The following BRWD1 variants were observed in gnomAD, a reference collection of about 807,000 sequenced individuals.
BRWD1 encodes the protein bromodomain and WD repeat domain containing 1.
Under a neutral mutation model 251.2 loss-of-function variants are expected in BRWD1, and 82 were observed. The ratio of observed to expected loss-of-function variants is 0.33; its 90% CI spans 0.27 to 0.39. The LOEUF (loss-of-function observed/expected upper bound fraction) is 0.39, where lower values mean the gene tolerates loss of function less well. BRWD1 is among the 10% of genes least tolerant of loss of function. The pLI is 1.00. For missense variants in BRWD1, 2,233 were observed against 2,711.6 expected (o/e 0.82, Z 3.92); for synonymous variants, 918 against 902.8 (o/e 1.02, Z -0.30).
In BRWD1 at chr21:39,195,651, A is replaced by C; in HGVS notation, c.*608T>G. 1 of 985,350 alleles carries C rather than the reference A, an allele frequency of 1.0e-6. No individual in the cohort carries two copies. Among genetic ancestry groups the C allele is most frequent in the African/African-American group, 1.7e-5 (1 of 57,342 alleles). 61.0% of individuals were successfully genotyped at this position (985,350 alleles called of 1,614,324 possible). ...CAACGTTTTCCTTAAGAAGAAAAAA[A>C]CCCAACAGCACTTGGGAAGAAAATT... is the stretch of plus-strand genomic sequence containing the variant. On this transcript the variant is annotated 3_prime_UTR_variant, in exon 41 of 41. Coordinates refer to ENST00000342449, the MANE Select transcript of BRWD1 (RefSeq NM_033656.4).
rs1478137977 is a variant in BRWD1 at position 39,248,664 on chromosome 21, A to C, written c.2350-832T>G. On this transcript the variant is annotated intron_variant, in intron 20 of 40. Coordinates refer to ENST00000342449, the MANE Select transcript of BRWD1 (RefSeq NM_033656.4). ...CCCAAAAAAAAAAAAAAAAAAAAAAAAAAAAAAAAAAAAAAAACACTGGGG... is the reference window on the plus strand; with the variant it reads ...CCCAAAAAAAAAAAAAAAAAAAAAACAAAAAAAAAAAAAAAAACACTGGGG... 3.8e-4 allele frequency among the ~76,000 whole-genome samples: 55 copies of C among 146,532 alleles called. 1 individual carries two copies. Among genetic ancestry groups the C allele is most frequent in the African/African-American group, 9.5e-4 (36 of 37,794 alleles).
Position 39,193,685 on chromosome 21 carries a change from C to T in BRWD1, c.*2574G>A. 1.0e-6 allele frequency: 1 copy of T among 985,502 alleles called. No homozygotes were observed. The highest frequency in any genetic ancestry group is 1.2e-6 in the Non-Finnish European group (1 of 829,692). 61.0% of individuals were successfully genotyped at this position (985,502 alleles called of 1,614,324 possible). On this transcript the variant is annotated 3_prime_UTR_variant, in exon 41 of 41. Coordinates refer to ENST00000342449, the MANE Select transcript of BRWD1 (RefSeq NM_033656.4). ...CAGCACTTATTTCTGGATCAGTTCA[C>T]ATTCAAATTATAACCCTTTATCTTT...
chr21:39,314,608 G>A (rs965144961), upstream of BRWD1: 6 of 342,596 alleles, frequency 1.8e-5, no homozygotes, highest in African/African-American at 8.6e-5. Flanking sequence ...ACCTAACTAT[G>A]AGTTTCCTCC....
rs1463077470 is a variant in BRWD1, at chr21:39,197,061, G to A, written c.6008C>T (p.Ser2003Phe). Residue 2003 changes from serine to phenylalanine, a missense_variant, in exon 41 of 41, where the codon TCC (serine) becomes TTC (phenylalanine). Transcript: ENST00000342449. ...ACEGKPPDPD[S>F]EGSTKVLSQA... is the part of the protein sequence containing the mutation. ...ACTAAGCACTTTTGTACTACCTTCG[G>A]AGTCAGGATCAGGTGGCTTGCCTTC... 1.9e-6 allele frequency: 3 copies of A among 1,613,956 alleles called. No individual in the cohort carries two copies. Among genetic ancestry groups the A allele is most frequent in the Non-Finnish European group, 2.5e-6 (3 of 1,179,970 alleles).
At chr21:39,312,257 A>G (rs977364333) in intron 4 of BRWD1, among the ~76,000 whole-genome samples, 12 of 152,366 alleles carry the variant, frequency 7.9e-5, no homozygotes, top group African/African-American at 2.6e-4. Flanking sequence ...CTCATCAATC[A>G]ACTACTGCGT....
chr21:39,188,067 C>A lies in BRWD1; in HGVS notation c.*8192G>T, dbSNP rs2031345121. On this transcript the variant is annotated 3_prime_UTR_variant, in exon 41 of 41. Coordinates refer to ENST00000342449, the MANE Select transcript of BRWD1 (RefSeq NM_033656.4). ...ACACAGCCACATGATGCCAGAGCTA[C>A]TACTCCGTGCTGACCAAACTTAGGA... 2 of 985,402 alleles carry A rather than the reference C, an allele frequency of 2.0e-6. No homozygotes were observed. The allele number at this position is 985,402 out of a possible 1,614,324, so 61.0% of individuals were successfully genotyped here. A position where few individuals can be genotyped will look rare whatever the true frequency, so the allele number is the denominator to read the frequency against.
At chr21:39,311,115 G>T (rs547781600) in intron 4 of BRWD1, among the ~76,000 whole-genome samples, 36 of 151,800 alleles carry the variant, frequency 2.4e-4, no homozygotes, top group African/African-American at 8.7e-4. Context: ...TTAAACAATA[G>T]TAAGTAGGGT....
rs1232679297 is a variant in BRWD1, at chr21:39,313,057, CGG to C, written c.138+13_138+14del. ...GGAGGAACCCGAGGGAGCGCGGGGA[CGG>C]GCGCGCACAGACCTGGTACTGCTCC... On this transcript the variant is annotated intron_variant, in intron 3 of 40. Transcript: ENST00000342449. 2.1e-5 allele frequency: 29 copies of C among 1,392,964 alleles called. No homozygotes were observed. The highest frequency in any genetic ancestry group is 9.1e-5 in the Admixed American group (3 of 32,964). The allele number at this position is 1,392,964 out of a possible 1,614,324, so 86.3% of individuals were successfully genotyped here.
At chr21:39,260,502 T>G (rs779182648) in intron 17 of BRWD1, among the ~76,000 whole-genome samples, 2 of 152,230 alleles carry the variant, frequency 1.3e-5, no homozygotes, top group Non-Finnish European at 2.9e-5. Context: ...GAATGTTAAC[T>G]GTCTCTATGG....
At chr21:39,235,322 T>G (rs1422512871) in intron 23 of BRWD1, 2 of 152,204 alleles carry the variant, frequency 1.3e-5, no homozygotes, top group Non-Finnish European at 2.9e-5. Context: ...GCATGTGTGT[T>G]TTGTCTCCAA....
chr21:39,271,356 A>G (rs1184861800), intron 13 of BRWD1, among the ~76,000 whole-genome samples: 1 of 151,614 alleles, frequency 6.6e-6, no homozygotes, highest in Non-Finnish European at 1.5e-5. Context: ...GGGGTAGGGA[A>G]GGCCTAATGG....
chr21:39,276,957 T>C (rs947574213), intron 11 of BRWD1, among the ~76,000 whole-genome samples: 4 of 152,212 alleles, frequency 2.6e-5, no homozygotes, highest in Non-Finnish European at 4.4e-5. Context: ...AACTATATTG[T>C]ACCTAGACAT....
intron 7 of BRWD1, 65 bp downstream of exon 7, chr21:39,295,678 G>T: frequency 8.0e-7 from 1 of 1,253,614 alleles, no homozygotes; most frequent in Non-Finnish European, 1.1e-6. Flanking sequence ...AGATTTCCTA[G>T]ATGATTCTGA....
At chr21:39,313,025 G>A (rs773181820) in intron 3 of BRWD1, 47 bp downstream of exon 3, 3 of 1,314,422 alleles carry the variant, frequency 2.3e-6, no homozygotes, top group Non-Finnish European at 2.9e-6. Flanking sequence ...TCAGGGCAAG[G>A]TCGGCAGGAG....
intron 8 of BRWD1, among the ~76,000 whole-genome samples, chr21:39,289,993 C>T (rs1601472060): frequency 1.3e-5 from 2 of 149,958 alleles, no homozygotes; most frequent in East Asian, 4.0e-4. Flanking sequence ...CCACTGCACT[C>T]CAGCCTGGGT....
intron 17 of BRWD1, among the ~76,000 whole-genome samples, chr21:39,260,906 T>C (rs1158922637): frequency 1.3e-5 from 2 of 152,194 alleles, no homozygotes; most frequent in East Asian, 3.9e-4. Context: ...TGTAATGAGG[T>C]CTCATCAATT....
intron 21 of BRWD1, among the ~76,000 whole-genome samples, chr21:39,241,471 A>AGT (rs1367890214): frequency 4.4e-5 from 4 of 90,940 alleles, no homozygotes; most frequent in Non-Finnish European, 9.1e-5. Flanking sequence ...CCATCTCCAA[A>AGT]GTAAAAAAAA....
At position 39,296,310 on chromosome 21, in the gene BRWD1, T is replaced by C; in HGVS notation, c.403A>G (p.Arg135Gly). The change falls in exon 6 of 41, where the codon AGA becomes GGA. Residue 135 changes from arginine to glycine, a missense_variant. Coordinates refer to ENST00000342449, the MANE Select transcript of BRWD1 (RefSeq NM_033656.4). ...TAATTCACTGGCATTTCAGGAGGTC[T>C]TCCTCTATGAAGAGCAGCAAAGGCA... Reference protein sequence around the residue: ...GSAFAALHRGRPPEMPVNYGS... With the variant: ...GSAFAALHRGGPPEMPVNYGS... 2 of 1,602,700 alleles carry C rather than the reference T, an allele frequency of 1.2e-6. No homozygotes were observed. Among genetic ancestry groups the C allele is most frequent in the Non-Finnish European group, 1.7e-6 (2 of 1,175,668 alleles).
rs748747380 is a variant in BRWD1 at position 39,218,077 on chromosome 21, CTCTT to C, written c.3659+71_3659+74del. Reference sequence around the variant, plus strand: ...AATCAGCCCCCAATTCTACCACTATCTCTTTCTTTGTTTACCCTAGTCAATATTG... The same window carrying C: ...AATCAGCCCCCAATTCTACCACTATCTCTTTGTTTACCCTAGTCAATATTG... On this transcript the variant is annotated intron_variant, in intron 31 of 40. Transcript: ENST00000342449. The C allele has an allele frequency of 7.7e-4, 1,100 of 1,423,780 alleles. 2 individuals carry two copies. The highest frequency in any genetic ancestry group is 2.2e-3 in the South Asian group (147 of 67,528). The allele number at this position is 1,423,780 out of a possible 1,614,324, so 88.2% of individuals were successfully genotyped here.
Sources: gnomAD v4.1 joint callset for allele counts (sites outside exome capture counted in the v4.1 genomes callset) on GRCh38, gnomAD v4.1.1 for gene constraint, MANE v1.5 for transcripts, NCBI Gene and HGNC (gene_info 2026-07-23, HGNC 2026-07-21) for gene names.